The following USH2A variants were observed in gnomAD, a reference collection of about 807,000 sequenced individuals.
USH2A encodes Usher syndrome 2A (autosomal recessive, mild).
A neutral mutation model predicts 538.9 loss-of-function variants in USH2A; 443 were observed. That is an observed-to-expected ratio of 0.82 (90% CI 0.76 to 0.89). The LOEUF is 0.89. Among genes scored for constraint, USH2A ranks in the 40% least tolerant of loss-of-function variants. USH2A has a pLI of 0.00. For missense variants in USH2A, 6,633 were observed against 6,324.8 expected (o/e 1.05, Z -1.65); for synonymous variants, 2,413 against 2,273.5 (o/e 1.06, Z -1.75).
intron 37 of USH2A, among the ~76,000 whole-genome samples, chr1:215,962,776 A>G (rs1360404602): frequency 2.0e-5 from 3 of 151,984 alleles, no homozygotes; most frequent in African/African-American, 7.2e-5. Flanking sequence ...CTTTTTTTCT[A>G]TCTTTTAAAT....
At chr1:215,986,602 T>A (rs1667880530) in intron 35 of USH2A, among the ~76,000 whole-genome samples, 1 of 152,184 alleles carries the variant, frequency 6.6e-6, no homozygotes, top group South Asian at 2.1e-4. Context: ...GCTGATGAAA[T>A]CTTAAGCAAA....
Position 215,625,833 on chromosome 1 carries a change from T to C in USH2A, c.15557A>G (p.Asp5186Gly), listed in dbSNP as rs936906091. The change falls in exon 72 of 72, where the codon GAT becomes GGT. Residue 5186 changes from aspartate to glycine, a missense_variant. Coordinates refer to ENST00000307340, the MANE Select transcript of USH2A (RefSeq NM_206933.4). ...GCGTTCCTTAGTCACTGAGCTGAAA[T>C]CCTTGATGGCGTTCATCAGGTCCTC... is the stretch of plus-strand genomic sequence containing the variant. ...DEEDLMNAIK[D>G]FSSVTKERTT... The C allele has an allele frequency of 6.2e-7, 1 of 1,614,092 alleles. No homozygotes were observed. Among genetic ancestry groups the C allele is most frequent in the African/African-American group, 1.3e-5 (1 of 75,036 alleles).
At chr1:216,103,135 T>G (rs2032633764) in intron 21 of USH2A, among the ~76,000 whole-genome samples, 1 of 152,212 alleles carries the variant, frequency 6.6e-6, no homozygotes, top group South Asian at 2.1e-4. Flanking sequence ...CCACGTATGA[T>G]GTTAGAAGTC....
chr1:215,680,339 G>A lies in USH2A; in HGVS notation c.12104C>T (p.Pro4035Leu). ...AACACCAATGCGATATGTTGTGAAT[G>A]GTTCTAACCCGTACAGGTGGGCTTG... ...SHQAHLYGLEPFTTYRIGVVA... is the reference protein window; with the variant it reads ...SHQAHLYGLELFTTYRIGVVA... Residue 4035 changes from proline to leucine, a missense_variant, in exon 62 of 72, where the codon CCA becomes CTA. Coordinates refer to ENST00000307340, the MANE Select transcript of USH2A (RefSeq NM_206933.4). 1 of 1,613,970 alleles carries A rather than the reference G, an allele frequency of 6.2e-7. No homozygotes were observed. The highest frequency in any genetic ancestry group is 8.5e-7 in the Non-Finnish European group (1 of 1,179,972).
intron 61 of USH2A, among the ~76,000 whole-genome samples, chr1:215,697,106 C>T (rs1658839345): frequency 6.9e-6 from 1 of 144,756 alleles, no homozygotes; most frequent in African/African-American, 2.5e-5. Context: ...GCATGTGCCA[C>T]CAGGCCCAGC....
intron 32 of USH2A, among the ~76,000 whole-genome samples, chr1:216,012,934 G>A (rs377324949): frequency 1.9e-4 from 29 of 152,102 alleles, no homozygotes; most frequent in African/African-American, 6.0e-4. Context: ...CCTATTCACC[G>A]TTCTCAACTA....
chr1:215,736,394 A>T (rs1242154471), intron 60 of USH2A, among the ~76,000 whole-genome samples: 2 of 152,170 alleles, frequency 1.3e-5, no homozygotes, highest in African/African-American at 4.8e-5. Flanking sequence ...CAGAATACAA[A>T]GTCCTAAAAT....
intron 21 of USH2A, chr1:216,174,644 C>A: frequency 3.0e-6 from 3 of 985,276 alleles, no homozygotes; most frequent in Non-Finnish European, 3.6e-6. Flanking sequence ...AAGAGCCTCA[C>A]TTGCTTTACC....
rs181951917 is a variant in USH2A, at chr1:216,386,723, C to T, written c.652-21638G>A. Among the ~76,000 whole-genome samples the T allele has an allele frequency of 9.3e-5, 14 of 150,764 alleles. 1 individual carries two copies. The highest frequency in any genetic ancestry group is 1.6e-4 in the Non-Finnish European group (11 of 67,724). ...ACAAAAAATTAGCCTGGCGTGGTGA[C>T]GGGCACCTGTAGTCCCAGCCACTCG... On this transcript the variant is annotated intron_variant, in intron 3 of 71. Transcript: ENST00000307340.
chr1:215,787,687 C>A (rs1244409656), intron 51 of USH2A, among the ~76,000 whole-genome samples: 2 of 152,034 alleles, frequency 1.3e-5, no homozygotes, highest in Admixed American at 6.6e-5. Flanking sequence ...TCCATTCAGC[C>A]TCTCTCTTAC....
At chr1:216,167,116 A>G (rs1417210810) in intron 21 of USH2A, among the ~76,000 whole-genome samples, 1 of 151,906 alleles carries the variant, frequency 6.6e-6, no homozygotes, top group African/African-American at 2.4e-5. Context: ...GCCTCCTTAT[A>G]TATATATACC....
intron 12 of USH2A, among the ~76,000 whole-genome samples, chr1:216,247,427 T>A (rs1266626331): frequency 6.6e-6 from 1 of 152,200 alleles, no homozygotes; most frequent in African/African-American, 2.4e-5. Context: ...CTGTTTGCGA[T>A]GAACTTCATA....
chr1:215,736,018 A>G (rs954502684), intron 60 of USH2A, among the ~76,000 whole-genome samples: 2 of 152,170 alleles, frequency 1.3e-5, no homozygotes, highest in African/African-American at 4.8e-5. Context: ...ATTAGGGAAC[A>G]CAGTGACTTG....
chr1:216,011,776 C>T (rs149597533), intron 32 of USH2A, among the ~76,000 whole-genome samples: 22,902 of 151,740 alleles, frequency 0.15, 1,824 homozygotes, highest in Middle Eastern at 0.23. Context: ...TTCTGCTCCA[C>T]GGCTCCTTCA....
At chr1:216,238,363 T>C (rs1233933507) in intron 13 of USH2A, among the ~76,000 whole-genome samples, 1 of 152,194 alleles carries the variant, frequency 6.6e-6, no homozygotes, top group Non-Finnish European at 1.5e-5. Flanking sequence ...TTCCTCGGCC[T>C]GGCCTCTGAT....
rs767172568 is a variant in USH2A, at chr1:216,175,502, T to C, written c.4397-20A>G. ...CTGGTGCTAAATATTAGAAAACACC[T>C]GTTATATTCAAGAATTTGGTTTCTG... On this transcript the variant is annotated intron_variant, in intron 20 of 71. Transcript: ENST00000307340. 6.2e-7 allele frequency: 1 copy of C among 1,612,180 alleles called. No individual in the cohort carries two copies. Among genetic ancestry groups the C allele is most frequent in the East Asian group, 2.2e-5 (1 of 44,788 alleles).
chr1:215,878,394 A>G (rs1318875161), intron 42 of USH2A, among the ~76,000 whole-genome samples: 1 of 152,192 alleles, frequency 6.6e-6, no homozygotes, highest in Non-Finnish European at 1.5e-5. Context: ...CAACATGCCA[A>G]AGAATTACTG....
chr1:215,754,808 G>T (rs564181215), intron 58 of USH2A, among the ~76,000 whole-genome samples: 1 of 152,342 alleles, frequency 6.6e-6, no homozygotes, highest in Non-Finnish European at 1.5e-5. Context: ...TGTTTTCAGA[G>T]AAAACAGTTA....
chr1:215,852,253 G>T (rs1282064758), intron 44 of USH2A, among the ~76,000 whole-genome samples: 2 of 152,132 alleles, frequency 1.3e-5, no homozygotes, highest in East Asian at 3.9e-4. Context: ...TCACATGGTG[G>T]CAGACAAGAA....
Sources: allele counts gnomAD v4.1 joint callset (sites outside exome capture counted in the v4.1 genomes callset), GRCh38; gene constraint gnomAD v4.1.1; transcripts MANE v1.5; gene names NCBI Gene and HGNC (gene_info 2026-07-23, HGNC 2026-07-21).